Variants in GRAP2 observed in about 807,000 individuals in gnomAD.
GRAP2 encodes the protein GRB2 related adaptor protein 2, also known as GRB2-related adapter protein 2.
Under a neutral mutation model 43.5 loss-of-function variants are expected in GRAP2, and 31 were observed. The ratio of observed to expected loss-of-function variants is 0.71; its 90% confidence interval spans 0.54 to 0.96. The LOEUF (loss-of-function observed/expected upper bound fraction) is 0.96. Among genes scored for constraint, GRAP2 ranks in the 40% least tolerant of loss-of-function variants. The pLI, the probability that GRAP2 is intolerant of heterozygous loss-of-function variation, is 0.00. For synonymous variants in GRAP2, 156 were observed against 164.8 expected (o/e 0.95, Z 0.41); for missense variants, 371 against 424.4 (o/e 0.87, Z 1.11).
At chr22:39,903,347 G>A (rs1438793003) in intron 1 of GRAP2, among the ~76,000 whole-genome samples, 3 of 152,204 alleles carry the variant, frequency 2.0e-5, no homozygotes, top group South Asian at 4.1e-4. Flanking sequence ...ACCTTGGTCT[G>A]TAAAGAAATA....
At chr22:39,969,382 G>T (rs760687832) in intron 6 of GRAP2, 29 bp from the exon 7 acceptor site, 1 of 1,612,778 alleles carries the variant, frequency 6.2e-7, no homozygotes, top group South Asian at 1.1e-5. Flanking sequence ...TGGCAGTGGG[G>T]TGACCAGTCT....
At chr22:39,910,499 C>CCCA in intron 1 of GRAP2, among the ~76,000 whole-genome samples, 1 of 152,116 alleles carries the variant, frequency 6.6e-6, no homozygotes, top group African/African-American at 2.4e-5. Context: ...ACCTCTGCCT[C>CCCA]GTGAGTTCAA....
chr22:39,958,711 G>A (rs560843295), intron 3 of GRAP2, among the ~76,000 whole-genome samples: 3 of 152,180 alleles, frequency 2.0e-5, no homozygotes, highest in Non-Finnish European at 4.4e-5. Context: ...CTTCACTTCT[G>A]AAATGTTTCC....
chr22:39,912,552 G>A (rs1317840877), intron 1 of GRAP2, among the ~76,000 whole-genome samples: 8 of 152,178 alleles, frequency 5.3e-5, no homozygotes, highest in Admixed American at 5.2e-4. Context: ...CTACTGGTGG[G>A]TAGAAGCTAG....
intron 1 of GRAP2, chr22:39,926,882 G>A (rs1378411474): frequency 1.0e-6 from 1 of 977,246 alleles, no homozygotes; most frequent in Admixed American, 6.2e-5. Flanking sequence ...ATCGTGATTG[G>A]AATGGGGAAG....
At position 39,968,150 on chromosome 22, in the gene GRAP2, C is replaced by A. The variant is rs749722464; in HGVS notation, c.568C>A (p.Pro190Thr). ...GATGAACCGGAAGCTGTCGGATCAC[C>A]CCCCGACCCTTCCCCTGCAGCAGCA... Reference protein sequence around the residue: ...PSMNRKLSDHPPTLPLQQHQH... With the variant: ...PSMNRKLSDHTPTLPLQQHQH... The change falls in exon 6 of 8, where the codon CCC becomes ACC. Residue 190 changes from proline (P) to threonine (T), a missense_variant. Transcript: ENST00000344138. 1 of 1,607,114 alleles carries A rather than the reference C, an allele frequency of 6.2e-7. No individual in the cohort carries two copies. The highest frequency in any genetic ancestry group is 2.3e-5 in the East Asian group (1 of 44,412).
chr22:39,966,994 A>G (rs1457800915), intron 5 of GRAP2, among the ~76,000 whole-genome samples: 1 of 57,502 alleles, frequency 1.7e-5, no homozygotes, highest in Non-Finnish European at 3.6e-5. Flanking sequence ...ACATGCACAC[A>G]CTCACACACA....
At chr22:39,956,951 C>T (rs1023219782) in intron 3 of GRAP2, among the ~76,000 whole-genome samples, 13 of 152,104 alleles carry the variant, frequency 8.5e-5, no homozygotes, top group South Asian at 2.1e-4. Flanking sequence ...ACCCTTCACT[C>T]AGTGGGTGGA....
chr22:39,904,261 G>A (rs184349325), intron 1 of GRAP2, among the ~76,000 whole-genome samples: 5 of 152,226 alleles, frequency 3.3e-5, no homozygotes, highest in South Asian at 4.1e-4. Flanking sequence ...GATGGCAGGC[G>A]CCTGTAATCC....
intron 2 of GRAP2, among the ~76,000 whole-genome samples, chr22:39,952,998 G>A (rs1007902362): frequency 2.0e-5 from 3 of 152,098 alleles, no homozygotes; most frequent in Non-Finnish European, 2.9e-5. Flanking sequence ...AGGTCTTCTC[G>A]TTCCCAACTC....
chr22:39,948,341 T>TA, intron 2 of GRAP2: 1 of 152,202 alleles, frequency 6.6e-6, no homozygotes, highest in East Asian at 1.9e-4. Context: ...TTTGGGGTCT[T>TA]ACGAAGCTCC....
intron 1 of GRAP2, among the ~76,000 whole-genome samples, chr22:39,913,025 TCTA>T: frequency 6.6e-6 from 1 of 152,026 alleles, no homozygotes; most frequent in East Asian, 1.9e-4. Context: ...AAACCCCGTC[TCTA>T]CTAAAAATAC....
At chr22:39,895,664 G>A in the GRAP2 span, among the ~76,000 whole-genome samples, 1 of 152,180 alleles carries the variant, frequency 6.6e-6, no homozygotes, top group Non-Finnish European at 1.5e-5. Flanking sequence ...AGCTGAGTTT[G>A]TGGAATATGC....
At chr22:39,961,330 G>T (rs2067117607) in intron 4 of GRAP2, among the ~76,000 whole-genome samples, 1 of 152,130 alleles carries the variant, frequency 6.6e-6, no homozygotes, top group South Asian at 2.1e-4. Flanking sequence ...GAAGGCCAAA[G>T]GAAGACTTTG....
intron 1 of GRAP2, among the ~76,000 whole-genome samples, chr22:39,923,475 C>G (rs2066671556): frequency 6.6e-6 from 1 of 152,102 alleles, no homozygotes; most frequent in Non-Finnish European, 1.5e-5. Context: ...TTATCTATGC[C>G]TAGCATAGTA....
chr22:39,911,778 G>A (rs1019869883), intron 1 of GRAP2, among the ~76,000 whole-genome samples: 1 of 152,116 alleles, frequency 6.6e-6, no homozygotes, highest in Admixed American at 6.5e-5. Flanking sequence ...CCAGGGCCTG[G>A]GCACTCGTAG....
At chr22:39,935,631 A>G (rs1327645526) in intron 1 of GRAP2, among the ~76,000 whole-genome samples, 4 of 152,114 alleles carry the variant, frequency 2.6e-5, no homozygotes, top group Non-Finnish European at 5.9e-5. Context: ...CTTTTCTGGG[A>G]TAGACTTATC....
chr22:39,953,882 G>C (rs2067017124), intron 2 of GRAP2, among the ~76,000 whole-genome samples: 1 of 152,160 alleles, frequency 6.6e-6, no homozygotes, highest in Non-Finnish European at 1.5e-5. Flanking sequence ...CAAAGTGCTG[G>C]GATTACAGGC....
At chr22:39,911,732 A>C (rs2066568554) in intron 1 of GRAP2, among the ~76,000 whole-genome samples, 1 of 152,094 alleles carries the variant, frequency 6.6e-6, no homozygotes, top group Admixed American at 6.5e-5. Context: ...TTAATTTTCC[A>C]GTAGCCCCTC....
Sources: allele counts gnomAD v4.1 joint callset (sites outside exome capture counted in the v4.1 genomes callset), GRCh38; gene constraint gnomAD v4.1.1; transcripts MANE v1.5; gene names NCBI Gene and HGNC (gene_info 2026-07-23, HGNC 2026-07-21).